The following SEMA3D variants were observed in gnomAD, a reference collection of about 807,000 sequenced individuals.
The protein encoded by SEMA3D is semaphorin-3D.
In SEMA3D, 84 loss-of-function variants were observed where a neutral mutation model predicts 100.1. The observed-to-expected ratio is 0.84, with a 90% CI of 0.70 to 1.01. The LOEUF is 1.01. Among genes scored for constraint, SEMA3D ranks in the 50% least tolerant of loss-of-function variants. The pLI is 0.00. For synonymous variants in SEMA3D, 312 were observed against 320.7 expected (o/e 0.97, Z 0.29); for missense variants, 875 against 934.1 (o/e 0.94, Z 0.82).
rs571977644 is a variant in SEMA3D, at chr7:85,041,862, A to G, written c.976+309T>C. On this transcript the variant is annotated intron_variant, in intron 10 of 18. Coordinates refer to ENST00000284136, the MANE Select transcript of SEMA3D (RefSeq NM_001384900.1). ...CCTATAGAAGGTGGCTCCTTTCAAA[A>G]TGAAAGACTGCATGGAGAATGGATG... is the stretch of plus-strand genomic sequence containing the variant. 3.3e-4 allele frequency: 88 copies of G among 267,172 alleles called. 1 individual carries two copies. The South Asian group carries it at 0.012, about 37-fold the overall frequency. The allele number at this position is 267,172 out of a possible 1,614,324, so 16.6% of individuals were successfully genotyped here.
At chr7:85,108,306 A>G (rs1041187634) in intron 3 of SEMA3D, among the ~76,000 whole-genome samples, 3 of 152,044 alleles carry the variant, frequency 2.0e-5, no homozygotes, top group African/African-American at 7.2e-5. Context: ...GCCTTGGTTT[A>G]TCTACCTTTG....
the SEMA3D span, among the ~76,000 whole-genome samples, chr7:85,243,781 A>G: frequency 1.3e-5 from 2 of 152,226 alleles, no homozygotes; most frequent in Non-Finnish European, 2.9e-5. Context: ...ATTATATTGG[A>G]AAGTATAAGA....
At chr7:85,082,202 G>A (rs1051967902) in intron 4 of SEMA3D, among the ~76,000 whole-genome samples, 2 of 152,094 alleles carry the variant, frequency 1.3e-5, no homozygotes, top group African/African-American at 4.8e-5. Context: ...ATAACGTGTT[G>A]AGGACCACAA....
the SEMA3D span, among the ~76,000 whole-genome samples, chr7:85,213,536 A>G: frequency 6.6e-6 from 1 of 151,984 alleles, no homozygotes; most frequent in East Asian, 1.9e-4. Flanking sequence ...CTTATCTCTT[A>G]AATTCTGTAT....
At chr7:85,185,024 T>C (rs976980096) in intron 1 of SEMA3D, among the ~76,000 whole-genome samples, 7 of 152,148 alleles carry the variant, frequency 4.6e-5, no homozygotes, top group African/African-American at 1.2e-4. Context: ...GACATGTGTG[T>C]CTTCTTGCTC....
chr7:85,029,665 T>C, intron 12 of SEMA3D: 1 of 403,558 alleles, frequency 2.5e-6, no homozygotes. Flanking sequence ...GGTGGTGCTT[T>C]TCAGGGCCCA....
chr7:85,209,273 T>C, the SEMA3D span, among the ~76,000 whole-genome samples: 1 of 151,990 alleles, frequency 6.6e-6, no homozygotes, highest in African/African-American at 2.4e-5. Flanking sequence ...AATATATATA[T>C]ACGTGTGTGT....
chr7:85,187,422 A>G (rs1445067972), upstream of SEMA3D, among the ~76,000 whole-genome samples: 1 of 152,104 alleles, frequency 6.6e-6, no homozygotes, highest in Non-Finnish European at 1.5e-5. Context: ...ACAAAACAGT[A>G]CCTGCGTTCC....
the SEMA3D span, among the ~76,000 whole-genome samples, chr7:85,226,364 G>C: frequency 6.6e-6 from 1 of 152,026 alleles, no homozygotes; most frequent in Non-Finnish European, 1.5e-5. Flanking sequence ...TAACTTCAAT[G>C]TTTTTTCAAC....
chr7:85,113,788 A>C (rs1789162999), intron 3 of SEMA3D, among the ~76,000 whole-genome samples: 1 of 151,742 alleles, frequency 6.6e-6, no homozygotes, highest in Non-Finnish European at 1.5e-5. Context: ...AAAAAAAAGA[A>C]AGAAAGAGAA....
intron 3 of SEMA3D, among the ~76,000 whole-genome samples, chr7:85,099,424 C>T (rs1165100090): frequency 6.6e-6 from 1 of 151,914 alleles, no homozygotes; most frequent in Non-Finnish European, 1.5e-5. Context: ...GAGGCCTCAG[C>T]CATGTGGAAC....
the SEMA3D span, among the ~76,000 whole-genome samples, chr7:85,201,638 G>A: frequency 6.6e-6 from 1 of 152,156 alleles, no homozygotes; most frequent in African/African-American, 2.4e-5. Context: ...TTTAGAGGCT[G>A]TGAGGAAAGC....
intron 1 of SEMA3D, among the ~76,000 whole-genome samples, chr7:85,156,653 C>T (rs1790605947): frequency 6.6e-6 from 1 of 151,996 alleles, no homozygotes; most frequent in Admixed American, 6.6e-5. Flanking sequence ...CTTACATTTT[C>T]CACCCAAGTC....
chr7:85,068,164 A>G, intron 7 of SEMA3D, 27 bp downstream of exon 7: 2 of 1,306,482 alleles, frequency 1.5e-6, no homozygotes, highest in South Asian at 1.2e-5. Context: ...CCATTTAAGG[A>G]TAAGAACTGC....
At chr7:85,016,684 C>T (rs578030959) in intron 15 of SEMA3D, among the ~76,000 whole-genome samples, 191 of 151,884 alleles carry the variant, frequency 1.3e-3, no homozygotes, top group Middle Eastern at 6.8e-3. Context: ...CTATCTTCCA[C>T]ACTGCCACAC....
At chr7:85,124,930 T>C (rs554570581) in intron 2 of SEMA3D, among the ~76,000 whole-genome samples, 2 of 152,250 alleles carry the variant, frequency 1.3e-5, no homozygotes, top group East Asian at 3.9e-4. Context: ...TCCACCCACA[T>C]TCATCAGTGC....
chr7:85,071,108 C>G (rs933520235), intron 6 of SEMA3D, among the ~76,000 whole-genome samples: 6 of 152,156 alleles, frequency 3.9e-5, no homozygotes, highest in Admixed American at 3.9e-4. Flanking sequence ...TATTTGCCCC[C>G]CTCAGCAGGT....
the SEMA3D span, among the ~76,000 whole-genome samples, chr7:85,220,416 A>T: frequency 2.6e-5 from 4 of 151,750 alleles, no homozygotes; most frequent in Non-Finnish European, 5.9e-5. Context: ...CCAGGGGGAA[A>T]CAAAAAATGT....
At chr7:85,101,838 C>T (rs1434135942) in intron 3 of SEMA3D, among the ~76,000 whole-genome samples, 12 of 151,946 alleles carry the variant, frequency 7.9e-5, no homozygotes, top group Admixed American at 7.2e-4. Context: ...GATTATTAAA[C>T]TCTACTTTGG....
Sources: gnomAD v4.1 joint callset for allele counts (sites outside exome capture counted in the v4.1 genomes callset) on GRCh38, gnomAD v4.1.1 for gene constraint, MANE v1.5 for transcripts, NCBI Gene and HGNC (gene_info 2026-07-23, HGNC 2026-07-21) for gene names.